WDR53: variants seen among roughly 807,000 people sequenced by gnomAD.
WDR53 encodes the protein WD repeat-containing protein 53.
Under a neutral mutation model 21.3 loss-of-function variants are expected in WDR53, and 19 were observed. That is an observed-to-expected ratio of 0.89 (90% CI 0.62 to 1.31). The LOEUF (loss-of-function observed/expected upper bound fraction) is 1.31, where lower values mean the gene tolerates loss of function less well. Ranked by LOEUF, WDR53 falls within the 50% of genes most tolerant of loss-of-function variation. The pLI, the probability that WDR53 is intolerant of heterozygous loss-of-function variation, is 0.00. For synonymous variants in WDR53, 157 were observed against 163.4 expected (o/e 0.96, Z 0.30); for missense variants, 374 against 423.2 (o/e 0.88, Z 1.02).
intron 3 of WDR53, among the ~76,000 whole-genome samples, chr3:196,557,247 T>C (rs1347811962): frequency 1.3e-5 from 2 of 152,196 alleles, no homozygotes; most frequent in Non-Finnish European, 2.9e-5. Flanking sequence ...GTCTTCAAGA[T>C]AAAGAGCCTC....
At chr3:196,560,178 C>T (rs920465668) in intron 3 of WDR53, among the ~76,000 whole-genome samples, 3 of 152,118 alleles carry the variant, frequency 2.0e-5, no homozygotes, top group Admixed American at 6.5e-5. Flanking sequence ...TAATGGGTTT[C>T]TAGATACATC....
At chr3:196,564,138 G>A (rs558071735) in intron 2 of WDR53, among the ~76,000 whole-genome samples, 1 of 152,208 alleles carries the variant, frequency 6.6e-6, no homozygotes, top group Non-Finnish European at 1.5e-5. Context: ...TAAAAACAGG[G>A]AGCCCTGGTG....
Position 196,563,558 on chromosome 3 carries a change from C to G in WDR53, c.-16-2067G>C, listed in dbSNP as rs375149535. On this transcript the variant is annotated intron_variant, in intron 2 of 3. Coordinates refer to ENST00000332629, the MANE Select transcript of WDR53 (RefSeq NM_182627.3). ...TAATCTGGCAATCTGCCCAAAGTTT[C>G]CATTCCCAACACAAAGCTTTTTTTT... Among the ~76,000 whole-genome samples, 58 of 147,442 alleles carry G rather than the reference C, an allele frequency of 3.9e-4. No homozygotes were observed. The East Asian group carries it at 8.0e-3, about 20-fold the overall frequency.
intron 3 of WDR53, among the ~76,000 whole-genome samples, chr3:196,555,678 C>T (rs1409272791): frequency 6.6e-6 from 1 of 152,088 alleles, no homozygotes; most frequent in Non-Finnish European, 1.5e-5. Context: ...TACCATCATC[C>T]CTGAATTATA....
At position 196,561,374 on chromosome 3, in the gene WDR53, C is replaced by A. The variant is rs775840166; in HGVS notation, c.102G>T (p.Thr34=). The change falls in exon 3 of 4, where the codon ACG becomes ACT. Residue 34 remains threonine (T), a synonymous_variant. Transcript: ENST00000332629. ...LASGAEGGDL[T]AWGEDGTPLG... is the part of the protein sequence containing the mutation. ...ATGGAGTTCCATCTTCACCCCAAGC[C>A]GTGAGATCTCCGCCCTCTGCTCCAG... 1 of 1,614,004 alleles carries A rather than the reference C, an allele frequency of 6.2e-7. No homozygotes were observed.
intron 1 of WDR53, 21 bp from the exon 2 acceptor site, chr3:196,567,328 T>G (rs556740299): frequency 2.3e-6 from 1 of 435,620 alleles, no homozygotes; most frequent in South Asian, 1.6e-5. Flanking sequence ...TGAAAAGAAT[T>G]AGGGTTACTG....
In WDR53 at chr3:196,554,750, C is replaced by T. The variant is rs1577556312; in HGVS notation, c.538G>A (p.Asp180Asn). 3 of 1,614,148 alleles carry T rather than the reference C, an allele frequency of 1.9e-6. No individual in the cohort carries two copies. The highest frequency in any genetic ancestry group is 1.3e-5 in the African/African-American group (1 of 75,026). Residue 180 changes from aspartate (D) to asparagine (N), a missense_variant, in exon 4 of 4, where the codon GAT (aspartate) becomes AAT (asparagine). By Grantham distance (23) the Asp-to-Asn change is conservative (BLOSUM62 1). Coordinates refer to ENST00000332629, the MANE Select transcript of WDR53 (RefSeq NM_182627.3). ...GGGCCTTCCATTTCTTCTGTTTCAT[C>T]CTCCTGTAAATTTGTAATCCAGAGT... is the stretch of plus-strand genomic sequence containing the variant. Reference protein sequence around the residue: ...RPLWITNLQEDETEEMEGPQS... With the variant: ...RPLWITNLQENETEEMEGPQS...
At chr3:196,557,992 G>C (rs1333462596) in intron 3 of WDR53, among the ~76,000 whole-genome samples, 1 of 151,876 alleles carries the variant, frequency 6.6e-6, no homozygotes, top group African/African-American at 2.4e-5. Flanking sequence ...GCCCAGGCTG[G>C]TCACAAACTC....
At chr3:196,565,902 G>A (rs1735341928) in intron 2 of WDR53, among the ~76,000 whole-genome samples, 1 of 152,194 alleles carries the variant, frequency 6.6e-6, no homozygotes, top group South Asian at 2.1e-4. Context: ...GCAGAAAGAG[G>A]TGAAGTGTCA....
chr3:196,557,160 G>T (rs1302380838), intron 3 of WDR53, among the ~76,000 whole-genome samples: 2 of 152,180 alleles, frequency 1.3e-5, no homozygotes, highest in African/African-American at 2.4e-5. Flanking sequence ...GTTCAGAAGT[G>T]AATGTAATCA....
intron 3 of WDR53, among the ~76,000 whole-genome samples, chr3:196,557,113 A>G (rs1734393547): frequency 6.6e-6 from 1 of 152,262 alleles, no homozygotes; most frequent in Non-Finnish European, 1.5e-5. Flanking sequence ...TGGTTCTGCA[A>G]AACATCGAAG....
In WDR53 at chr3:196,561,080, C is replaced by A. The variant is rs1734796617; in HGVS notation, c.396G>T (p.Leu132Phe). The A allele has an allele frequency of 6.2e-7, 1 of 1,614,122 alleles. No individual in the cohort carries two copies. The highest frequency in any genetic ancestry group is 1.3e-5 in the African/African-American group (1 of 74,946). The change falls in exon 3 of 4, where the codon TTG (leucine) becomes TTT (phenylalanine). Residue 132 changes from leucine to phenylalanine, a missense_variant. Physicochemically the swap from Leu to Phe is conservative, Grantham distance 22. Transcript: ENST00000332629. ...DLENKKVIRSLKRHSNICSSV... is the reference protein window; with the variant it reads ...DLENKKVIRSFKRHSNICSSV... ...AGGAGCAGATATTGGAATGTCTCTT[C>A]AAGGATCTGATAACTTTCTTGTTTT...
intron 3 of WDR53, among the ~76,000 whole-genome samples, chr3:196,556,505 A>T: frequency 6.6e-6 from 1 of 152,024 alleles, no homozygotes; most frequent in East Asian, 1.9e-4. Flanking sequence ...AAATACAAAA[A>T]ATTAGCTAGG....
At chr3:196,556,515 G>A (rs2108682888) in intron 3 of WDR53, among the ~76,000 whole-genome samples, 1 of 152,072 alleles carries the variant, frequency 6.6e-6, no homozygotes, top group African/African-American at 2.4e-5. Context: ...AATTAGCTAG[G>A]CATGGTGGTG....
chr3:196,567,173 T>G lies in WDR53; in HGVS notation c.-313A>C, dbSNP rs1449619215. On this transcript the variant is annotated 5_prime_UTR_variant, in exon 2 of 4. It removes the in-frame stop codon of an upstream open reading frame in the 5' UTR. Transcript: ENST00000332629. ...CTTATCCTTGAAGACTTCAAAGAAATTAGTGAGAGACAGTCACCATCACCA... is the reference window on the plus strand; with the variant it reads ...CTTATCCTTGAAGACTTCAAAGAAAGTAGTGAGAGACAGTCACCATCACCA... 4.4e-6 allele frequency: 2 copies of G among 457,080 alleles called. No individual in the cohort carries two copies. The highest frequency in any genetic ancestry group is 8.8e-6 in the Non-Finnish European group (2 of 227,082). The allele number at this position is 457,080 out of a possible 1,614,324, so 28.3% of individuals were successfully genotyped here.
intron 2 of WDR53, among the ~76,000 whole-genome samples, chr3:196,564,518 C>T (rs1480017954): frequency 1.3e-5 from 2 of 151,174 alleles, no homozygotes; most frequent in African/African-American, 2.4e-5. Context: ...CACCACCAAA[C>T]CCACCTAATT....
chr3:196,556,482 G>C (rs2054750), intron 3 of WDR53, among the ~76,000 whole-genome samples: 70,463 of 151,564 alleles, frequency 0.46, 17,167 homozygotes, highest in African/African-American at 0.57. Flanking sequence ...CAGTGAAACT[G>C]CATCTCTACT....
At chr3:196,555,553 G>A (rs1032721974) in intron 3 of WDR53, among the ~76,000 whole-genome samples, 1 of 152,046 alleles carries the variant, frequency 6.6e-6, no homozygotes, top group African/African-American at 2.4e-5. Flanking sequence ...AATAAGCTTT[G>A]TGAATGGGTT....
intron 2 of WDR53, among the ~76,000 whole-genome samples, chr3:196,565,912 A>T (rs1430082254): frequency 2.0e-5 from 3 of 152,234 alleles, no homozygotes; most frequent in Non-Finnish European, 4.4e-5. Context: ...GTGAAGTGTC[A>T]CCATCCCCAC....
Sources: gnomAD v4.1 joint callset for allele counts (sites outside exome capture counted in the v4.1 genomes callset) on GRCh38, gnomAD v4.1.1 for gene constraint, MANE v1.5 for transcripts, NCBI Gene and HGNC (gene_info 2026-07-23, HGNC 2026-07-21) for gene names.